The following DLC1 variants were observed in gnomAD, a reference collection of about 807,000 sequenced individuals.
DLC1 encodes rho GTPase-activating protein 7.
A neutral mutation model predicts 140.3 loss-of-function variants in DLC1; 54 were observed. That is an observed-to-expected ratio of 0.38 (90% CI 0.31 to 0.48). DLC1 has a LOEUF of 0.48. Among genes scored for constraint, DLC1 ranks in the 20% least tolerant of loss-of-function variants. The pLI, the probability that DLC1 is intolerant of heterozygous loss-of-function variation, is 0.96. For missense variants in DLC1, 2,536 were observed against 1,907.0 expected (o/e 1.33, Z -6.14); for synonymous variants, 986 against 728.1 (o/e 1.35, Z -5.70).
At chr8:13,540,769 C>T (rs1412452308) in intron 1 of DLC1, among the ~76,000 whole-genome samples, 3 of 152,324 alleles carry the variant, frequency 2.0e-5, no homozygotes, top group African/African-American at 7.2e-5. Context: ...ATGGCAATCA[C>T]TCATCTGGGG....
Position 13,452,228 on chromosome 8 carries a change from C to T in DLC1, c.1023+46821G>A, listed in dbSNP as rs138138219. Among the ~76,000 whole-genome samples, 1,266 of 151,128 alleles carry T rather than the reference C, an allele frequency of 8.4e-3. 17 individuals are homozygous for T. Among genetic ancestry groups the T allele is most frequent in the South Asian group, 0.062 (297 of 4,788 alleles). On this transcript the variant is annotated intron_variant, in intron 2 of 17. Transcript: ENST00000276297. The stretch of plus-strand genomic sequence containing the variant: ...AATTATATATATCTTTATGAATATG[C>T]ATTAAAATAAACATGTATAAAAACT...
intron 1 of DLC1, among the ~76,000 whole-genome samples, chr8:13,539,941 G>A (rs1056367040): frequency 6.6e-6 from 1 of 152,168 alleles, no homozygotes. Flanking sequence ...CCTTTTCAAT[G>A]CAGCAGTGAA....
chr8:13,457,268 A>C (rs896961925), intron 2 of DLC1, among the ~76,000 whole-genome samples: 11 of 152,190 alleles, frequency 7.2e-5, no homozygotes, highest in African/African-American at 2.7e-4. Flanking sequence ...GAATTATATA[A>C]AATATGATTC....
At chr8:13,565,670 C>T (rs6989489) in intron 1 of DLC1, among the ~76,000 whole-genome samples, 1 of 151,682 alleles carries the variant, frequency 6.6e-6, no homozygotes, top group Non-Finnish European at 1.5e-5. Flanking sequence ...CTGAATAATA[C>T]CCCCCAATCC....
chr8:13,378,143 A>G lies in DLC1; in HGVS notation c.1314+15410T>C, dbSNP rs564795914. ...TGTGCACAATGTGCAGGTTTGTTACATATGTATACATGTGCCATGCATATG... is the reference window on the plus strand; with the variant it reads ...TGTGCACAATGTGCAGGTTTGTTACGTATGTATACATGTGCCATGCATATG... On this transcript the variant is annotated intron_variant, in intron 4 of 17. Transcript: ENST00000276297. Among the ~76,000 whole-genome samples, 848 of 140,534 alleles carry G rather than the reference A, an allele frequency of 6.0e-3. 6 individuals are homozygous for G. The highest frequency in any genetic ancestry group is 9.1e-3 in the Non-Finnish European group (577 of 63,408). The allele number at this position is 140,534 out of a possible 152,430, so 92.2% of individuals were successfully genotyped here.
intron 4 of DLC1, among the ~76,000 whole-genome samples, chr8:13,389,975 A>G (rs11989572): frequency 6.6e-6 from 1 of 152,294 alleles, no homozygotes; most frequent in African/African-American, 2.4e-5. Context: ...TAAAAAGAAC[A>G]GCTCTGTAGG....
chr8:13,456,920 G>T (rs1051717846), intron 2 of DLC1, among the ~76,000 whole-genome samples: 4 of 152,144 alleles, frequency 2.6e-5, no homozygotes, highest in African/African-American at 9.7e-5. Context: ...AATTAAATCG[G>T]CAGGGTTATC....
rs534064642 is a variant in DLC1, at chr8:13,221,569, C to T, written c.1348+83700G>A. On this transcript the variant is annotated intron_variant, in intron 5 of 17. Coordinates refer to ENST00000276297, the MANE Select transcript of DLC1 (RefSeq NM_182643.3). ...TATTTTTAGTAGAGATGAGGTTTCA[C>T]CATGTTGACCAGGCTGATCTTGAAC... is the stretch of plus-strand genomic sequence containing the variant. Among the ~76,000 whole-genome samples the T allele has an allele frequency of 2.7e-5, 4 of 150,720 alleles. No homozygotes were observed. The South Asian group carries it at 8.4e-4, about 32-fold the overall frequency.
intron 5 of DLC1, among the ~76,000 whole-genome samples, chr8:13,222,504 C>T (rs1585945729): frequency 6.6e-6 from 1 of 152,106 alleles, no homozygotes; most frequent in African/African-American, 2.4e-5. Flanking sequence ...GGAAACCTTG[C>T]TGTGTGATTG....
chr8:13,261,725 A>G (rs1188845417), intron 5 of DLC1, among the ~76,000 whole-genome samples: 3 of 152,144 alleles, frequency 2.0e-5, no homozygotes, highest in African/African-American at 7.2e-5. Context: ...TAGGGTATGA[A>G]AGAAGAGAGG....
chr8:13,535,106 C>A (rs566080100), intron 1 of DLC1, among the ~76,000 whole-genome samples: 17 of 152,144 alleles, frequency 1.1e-4, no homozygotes, highest in Non-Finnish European at 2.2e-4. Context: ...GTTCCTTCCC[C>A]TTTGCAGTTG....
intron 1 of DLC1, among the ~76,000 whole-genome samples, chr8:13,590,498 T>C (rs569793897): frequency 1.4e-4 from 22 of 152,186 alleles, no homozygotes; most frequent in South Asian, 4.2e-4. Flanking sequence ...GTTCTGAGCA[T>C]CTTGGATGCT....
At chr8:13,465,202 A>G (rs868207744) in intron 2 of DLC1, among the ~76,000 whole-genome samples, 5 of 152,312 alleles carry the variant, frequency 3.3e-5, no homozygotes, top group East Asian at 1.9e-4. Context: ...CAGTAATGCA[A>G]TTAATATTCT....
chr8:13,320,348 T>G (rs1033169122), intron 4 of DLC1, among the ~76,000 whole-genome samples: 1 of 152,072 alleles, frequency 6.6e-6, no homozygotes, highest in Non-Finnish European at 1.5e-5. Context: ...TTAAGAGAAG[T>G]TCAGCTCCTC....
chr8:13,399,479 A>T (rs1307385857), intron 3 of DLC1, among the ~76,000 whole-genome samples: 4 of 152,176 alleles, frequency 2.6e-5, no homozygotes, highest in South Asian at 4.1e-4. Flanking sequence ...GACTGTCAAG[A>T]GGTTAAATGA....
intron 5 of DLC1, among the ~76,000 whole-genome samples, chr8:13,243,719 T>C (rs1012346490): frequency 6.6e-6 from 1 of 152,196 alleles, no homozygotes; most frequent in African/African-American, 2.4e-5. Context: ...GTCTTCCTTA[T>C]CATCAAGAAA....
At chr8:13,106,737 A>C (rs1819598242) in intron 7 of DLC1, among the ~76,000 whole-genome samples, 1 of 152,236 alleles carries the variant, frequency 6.6e-6, no homozygotes, top group Admixed American at 6.5e-5. Context: ...ACTGCTTTAC[A>C]ACAAAGTGAA....
At chr8:13,120,354 A>T (rs796709969) in intron 5 of DLC1, among the ~76,000 whole-genome samples, 9,054 of 28,004 alleles carry the variant, frequency 0.32, 1,239 homozygotes, top group South Asian at 0.4. Context: ...AAAAAAAAAA[A>T]AAATATATAT....
At chr8:13,150,497 G>GA (rs1823726084) in intron 5 of DLC1, among the ~76,000 whole-genome samples, 1 of 152,148 alleles carries the variant, frequency 6.6e-6, no homozygotes, top group Non-Finnish European at 1.5e-5. Context: ...CTTATCATGT[G>GA]ACTCCCTGGT....
Sources: allele counts gnomAD v4.1 joint callset (sites outside exome capture counted in the v4.1 genomes callset), GRCh38; gene constraint gnomAD v4.1.1; transcripts MANE v1.5; gene names NCBI Gene and HGNC (gene_info 2026-07-23, HGNC 2026-07-21).